The following DNER variants were observed in gnomAD, a reference collection of about 807,000 sequenced individuals.
DNER encodes delta and Notch-like epidermal growth factor-related receptor.
Under a neutral mutation model 78.2 loss-of-function variants are expected in DNER, and 33 were observed. The observed-to-expected ratio is 0.42, with a 90% CI of 0.32 to 0.56. The LOEUF (loss-of-function observed/expected upper bound fraction) is 0.56. Ranked by LOEUF, DNER falls within the 20% of genes least tolerant of loss-of-function variation. The probability of loss-of-function intolerance (pLI) is 0.11; values close to 1 mark genes in which losing one functional copy is unlikely to be tolerated. For missense variants in DNER, 918 were observed against 975.3 expected (o/e 0.94, Z 0.78); for synonymous variants, 417 against 384.8 (o/e 1.08, Z -0.98).
chr2:229,483,064 C>T (rs1197813116), intron 6 of DNER, among the ~76,000 whole-genome samples: 1 of 152,052 alleles, frequency 6.6e-6, no homozygotes, highest in East Asian at 1.9e-4. Context: ...AAATCAAGCC[C>T]ATTGATGAGT....
At chr2:229,445,105 C>T (rs1251617656) in intron 8 of DNER, among the ~76,000 whole-genome samples, 1 of 152,196 alleles carries the variant, frequency 6.6e-6, no homozygotes, top group African/African-American at 2.4e-5. Flanking sequence ...GAACAGCGTG[C>T]TCGTGAGTCA....
chr2:229,661,766 T>C (rs1168624170), intron 1 of DNER, among the ~76,000 whole-genome samples: 1 of 152,186 alleles, frequency 6.6e-6, no homozygotes, highest in African/African-American at 2.4e-5. Flanking sequence ...CTTTTTCAAT[T>C]AAACGTTGAC....
chr2:229,684,312 C>A (rs147013708), intron 1 of DNER, among the ~76,000 whole-genome samples: 222 of 151,688 alleles, frequency 1.5e-3, no homozygotes, highest in Admixed American at 3.4e-3. Context: ...ATAGGAGGAG[C>A]TAGGGGAACA....
intron 1 of DNER, among the ~76,000 whole-genome samples, chr2:229,663,136 C>T (rs868516807): frequency 6.6e-6 from 1 of 152,126 alleles, no homozygotes; most frequent in Non-Finnish European, 1.5e-5. Flanking sequence ...GAGTGTTTAG[C>T]TTTGATCTAG....
At chr2:229,419,296 A>G (rs1287776000) in intron 8 of DNER, among the ~76,000 whole-genome samples, 1 of 152,230 alleles carries the variant, frequency 6.6e-6, no homozygotes, top group Non-Finnish European at 1.5e-5. Context: ...TTTTGAAAAC[A>G]TGTGTTACTG....
intron 5 of DNER, among the ~76,000 whole-genome samples, chr2:229,546,261 C>G (rs1696624978): frequency 6.6e-6 from 1 of 152,198 alleles, no homozygotes; most frequent in Non-Finnish European, 1.5e-5. Flanking sequence ...TAATTCCATT[C>G]ATATTCAGAT....
At chr2:229,440,882 A>G (rs1035333084) in intron 8 of DNER, among the ~76,000 whole-genome samples, 1 of 152,142 alleles carries the variant, frequency 6.6e-6, no homozygotes, top group Admixed American at 6.5e-5. Flanking sequence ...CCCACACACA[A>G]GTTCATGCCT....
chr2:229,655,482 C>T (rs2154216384), intron 1 of DNER, among the ~76,000 whole-genome samples: 1 of 152,166 alleles, frequency 6.6e-6, no homozygotes, highest in African/African-American at 2.4e-5. Flanking sequence ...AGCCTAAGAT[C>T]CAGGAGTGCA....
intron 1 of DNER, among the ~76,000 whole-genome samples, chr2:229,614,349 A>AT (rs1312482835): frequency 6.6e-6 from 1 of 152,198 alleles, no homozygotes; most frequent in East Asian, 1.9e-4. Flanking sequence ...ACATCTGAAG[A>AT]TAAGCATCTA....
intron 8 of DNER, among the ~76,000 whole-genome samples, chr2:229,435,289 G>A (rs1221428674): frequency 6.6e-6 from 1 of 152,158 alleles, no homozygotes; most frequent in Non-Finnish European, 1.5e-5. Context: ...CAATATAAGA[G>A]GGGTCATCCA....
intron 5 of DNER, among the ~76,000 whole-genome samples, chr2:229,522,203 G>C (rs1386497536): frequency 6.6e-6 from 1 of 152,150 alleles, no homozygotes; most frequent in Non-Finnish European, 1.5e-5. Context: ...TTACTACCCA[G>C]GGGAGAAGAA....
intron 8 of DNER, among the ~76,000 whole-genome samples, chr2:229,443,385 A>C (rs997413817): frequency 2.0e-5 from 3 of 152,140 alleles, no homozygotes; most frequent in African/African-American, 7.2e-5. Flanking sequence ...AGCGAGTTCC[A>C]CCTCATCCTG....
chr2:229,403,071 G>A (rs1693302644), intron 10 of DNER, among the ~76,000 whole-genome samples: 1 of 152,192 alleles, frequency 6.6e-6, no homozygotes, highest in African/African-American at 2.4e-5. Context: ...GTTTAATATG[G>A]TAAATATGAC....
At chr2:229,497,801 AAGAG>A (rs1230561080) in intron 6 of DNER, among the ~76,000 whole-genome samples, 1 of 152,144 alleles carries the variant, frequency 6.6e-6, no homozygotes, top group Admixed American at 6.5e-5. Context: ...GAATGAGTAA[AAGAG>A]TGAGCCAGTA....
intron 1 of DNER, among the ~76,000 whole-genome samples, chr2:229,696,403 C>A (rs1328493979): frequency 6.6e-6 from 1 of 152,204 alleles, no homozygotes; most frequent in African/African-American, 2.4e-5. Flanking sequence ...ATACCAAAGA[C>A]CTTTCTCAAA....
At chr2:229,483,923 G>A (rs1695218541) in intron 6 of DNER, among the ~76,000 whole-genome samples, 1 of 152,090 alleles carries the variant, frequency 6.6e-6, no homozygotes, top group South Asian at 2.1e-4. Flanking sequence ...TGCATCCCTG[G>A]AGGCCCCTGT....
At chr2:229,648,985 C>T (rs1053999510) in intron 1 of DNER, among the ~76,000 whole-genome samples, 1 of 152,188 alleles carries the variant, frequency 6.6e-6, no homozygotes, top group Non-Finnish European at 1.5e-5. Flanking sequence ...CCTCAGCTAA[C>T]CTGTGTAGTG....
At chr2:229,450,005 C>A (rs1445470433) in intron 7 of DNER, among the ~76,000 whole-genome samples, 1 of 152,230 alleles carries the variant, frequency 6.6e-6, no homozygotes, top group Non-Finnish European at 1.5e-5. Flanking sequence ...TGGTCTCGAA[C>A]TCCTGACCTC....
chr2:229,505,220 T>TGTGTGTGTGTGTGTGTG (rs1478541943), intron 6 of DNER, among the ~76,000 whole-genome samples: 1 of 32,322 alleles, frequency 3.1e-5, no homozygotes, highest in Admixed American at 3.3e-4. Flanking sequence ...GTGTGTGTGT[T>TGTGTGTGTGTGTGTGTG]GGCTACAATA....
Sources: gnomAD v4.1 joint callset for allele counts (sites outside exome capture counted in the v4.1 genomes callset) on GRCh38, gnomAD v4.1.1 for gene constraint, MANE v1.5 for transcripts, NCBI Gene and HGNC (gene_info 2026-07-23, HGNC 2026-07-21) for gene names.